The following EIF2A variants were observed in gnomAD, a reference collection of about 807,000 sequenced individuals.
EIF2A encodes eukaryotic translation initiation factor 2A, also known as 65 kDa eukaryotic translation initiation factor 2A.
A neutral mutation model predicts 75.2 loss-of-function variants in EIF2A; 62 were observed. That is an observed-to-expected ratio of 0.82 (90% CI 0.67 to 1.02). EIF2A has a LOEUF of 1.02. Among genes scored for constraint, EIF2A ranks in the 50% least tolerant of loss-of-function variants. EIF2A has a pLI of 0.00. For synonymous variants in EIF2A, 207 were observed against 239.0 expected, an observed-to-expected ratio of 0.87 and a Z score of 1.23; for missense variants, 611 against 677.7, an observed-to-expected ratio of 0.90 and a Z score of 1.09.
intron 2 of EIF2A, 149 bp downstream of exon 2, chr3:150,552,574 T>C: frequency 1.6e-6 from 1 of 612,512 alleles, no homozygotes. Context: ...AAAGAATACA[T>C]ATTCTCTATC....
At chr3:150,548,555 G>A (rs1723159162) in intron 1 of EIF2A, among the ~76,000 whole-genome samples, 1 of 152,162 alleles carries the variant, frequency 6.6e-6, no homozygotes, top group African/African-American at 2.4e-5. Flanking sequence ...CTGGTACTGG[G>A]CAAGCATTAC....
chr3:150,559,498 CT>C lies in EIF2A; in HGVS notation c.173+1056del, dbSNP rs36038911. ...TAGGTGTTAGCCACTATGCCCAGCCCTTTTTTTTTTTTTTTTTTTTGAGACA... is the reference window on the plus strand; with the variant it reads ...TAGGTGTTAGCCACTATGCCCAGCCCTTTTTTTTTTTTTTTTTTTGAGACA... On this transcript the variant is annotated intron_variant, in intron 3 of 13. Coordinates refer to ENST00000460851, the MANE Select transcript of EIF2A (RefSeq NM_032025.5). Among the ~76,000 whole-genome samples, 137 of 110,540 alleles carry C rather than the reference CT, an allele frequency of 1.2e-3. 2 individuals carry two copies. Among genetic ancestry groups the C allele is most frequent in the East Asian group, 3.8e-3 (14 of 3,678 alleles). 72.5% of individuals were successfully genotyped at this position (110,540 alleles called of 152,430 possible).
chr3:150,575,795 A>C, intron 11 of EIF2A, 33 bp downstream of exon 11: 4 of 1,557,802 alleles, frequency 2.6e-6, no homozygotes, highest in Non-Finnish European at 3.5e-6. Context: ...AACAAAACAA[A>C]TAGTCAGTTA....
At chr3:150,582,504 C>T (rs1335432547) in intron 12 of EIF2A, among the ~76,000 whole-genome samples, 1 of 151,876 alleles carries the variant, frequency 6.6e-6, no homozygotes, top group East Asian at 1.9e-4. Flanking sequence ...TTAGTAGAGA[C>T]GGGGTTTCAC....
In EIF2A at chr3:150,567,919, A is replaced by C. The variant is rs769720221; in HGVS notation, c.567A>C (p.Pro189=). Residue 189 remains proline, a synonymous_variant, in exon 8 of 14, where the codon CCA becomes CCC. Coordinates refer to ENST00000460851, the MANE Select transcript of EIF2A (RefSeq NM_032025.5). The part of the protein sequence containing the change: ...PQPYKVAVYV[P]GSKGAPSFVR... ...TATCTTAGGTGGCTGTCTATGTTCC[A>C]GGAAGTAAAGGTGCACCTTCATTTG... 3 of 1,608,174 alleles carry C rather than the reference A, an allele frequency of 1.9e-6. No individual in the cohort carries two copies. Among genetic ancestry groups the C allele is most frequent in the Non-Finnish European group, 2.5e-6 (3 of 1,178,334 alleles).
At chr3:150,581,511 A>G (rs1239407163) in intron 11 of EIF2A, 107 bp from the exon 12 acceptor site, 18 of 1,311,824 alleles carry the variant, frequency 1.4e-5, no homozygotes, top group Non-Finnish European at 1.8e-5. Context: ...AAATGTAGAT[A>G]AAATCACATA....
At chr3:150,564,209 A>AC (rs1266466234) in intron 5 of EIF2A, 90 bp from the exon 6 acceptor site, 26 of 962,220 alleles carry the variant, frequency 2.7e-5, no homozygotes, top group Non-Finnish European at 3.9e-5. Flanking sequence ...TTAAATGGTA[A>AC]CCAATATCAT....
At chr3:150,573,835 G>T (rs1043643423) in intron 10 of EIF2A, among the ~76,000 whole-genome samples, 6 of 152,010 alleles carry the variant, frequency 3.9e-5, no homozygotes, top group African/African-American at 1.2e-4. Flanking sequence ...ACAGAAAAAA[G>T]TTTTTTATAA....
At chr3:150,576,949 G>C (rs183381695) in intron 11 of EIF2A, among the ~76,000 whole-genome samples, 1 of 152,196 alleles carries the variant, frequency 6.6e-6, no homozygotes, top group African/African-American at 2.4e-5. Context: ...GGTTAGTGAA[G>C]TTATGGTGAT....
intron 3 of EIF2A, among the ~76,000 whole-genome samples, 172 bp from the exon 4 acceptor site, chr3:150,562,370 C>A (rs1486223872): frequency 6.6e-6 from 1 of 151,000 alleles, no homozygotes; most frequent in Non-Finnish European, 1.5e-5. Flanking sequence ...TGCAGTGAGC[C>A]GAGATTGCGC....
intron 10 of EIF2A, 101 bp from the exon 11 acceptor site, chr3:150,575,548 G>A: frequency 1.1e-6 from 1 of 881,168 alleles, no homozygotes. Flanking sequence ...TCTTAAATTT[G>A]ATAAAATAAG....
rs997449177 is a variant in EIF2A at position 150,568,167 on chromosome 3, C to G, written c.695-9C>G. On this transcript the variant is annotated splice_polypyrimidine_tract_variant and intron_variant, in intron 8 of 13. Transcript: ENST00000460851. ...GTTTTAAATCTAATTAAAGTTTTTA[C>G]TGTTATAGCTACTGCTGTGTTGGTA... 67 of 1,607,446 alleles carry G rather than the reference C, an allele frequency of 4.2e-5. No homozygotes were observed. Among genetic ancestry groups the G allele is most frequent in the Non-Finnish European group, 5.6e-5 (66 of 1,178,076 alleles).
intron 11 of EIF2A, among the ~76,000 whole-genome samples, chr3:150,577,413 C>T (rs894407420): frequency 9.9e-5 from 15 of 151,988 alleles, no homozygotes; most frequent in Non-Finnish European, 2.1e-4. Context: ...GGCATGATCA[C>T]GGCTCACTGC....
intron 3 of EIF2A, among the ~76,000 whole-genome samples, chr3:150,562,198 G>A (rs1005684304): frequency 6.6e-5 from 10 of 152,128 alleles, no homozygotes; most frequent in East Asian, 5.8e-4. Flanking sequence ...CAAGGCGGGC[G>A]GATCACGAGG....
At chr3:150,562,450 A>C in intron 3 of EIF2A, 92 bp from the exon 4 acceptor site, 1 of 948,158 alleles carries the variant, frequency 1.1e-6, no homozygotes, top group East Asian at 2.9e-5. Context: ...TTTTGGAGTG[A>C]TCTGTATTTG....
At chr3:150,571,641 T>C (rs1469330376) in intron 9 of EIF2A, among the ~76,000 whole-genome samples, 1 of 152,104 alleles carries the variant, frequency 6.6e-6, no homozygotes, top group Non-Finnish European at 1.5e-5. Context: ...AATAAATAAA[T>C]TAGTTTGTAT....
In EIF2A at chr3:150,568,002, G is replaced by GT. The variant is rs1576598259; in HGVS notation, c.653dup (p.Phe219LeufsTer2). On this transcript the variant is annotated frameshift_variant, in exon 8 of 14. Transcript: ENST00000460851. LOFTEE classifies it high-confidence loss of function. ...CCTCATGCAGCTTTAGCTAATAAAA[G>GT]TTTCTTTAAGGCAGATAAAGTTACA... 6 of 1,612,704 alleles carry GT rather than the reference G, an allele frequency of 3.7e-6. No individual in the cohort carries two copies. The highest frequency in any genetic ancestry group is 4.2e-6 in the Non-Finnish European group (5 of 1,179,534).
In EIF2A at chr3:150,572,389, C is replaced by A. The variant is rs767344146; in HGVS notation, c.1243C>A (p.Pro415Thr). 6.2e-7 allele frequency: 1 copy of A among 1,613,824 alleles called. No homozygotes were observed. Among genetic ancestry groups the A allele is most frequent in the African/African-American group, 1.3e-5 (1 of 74,906 alleles). Residue 415 changes from proline to threonine, a missense_variant, in exon 10 of 14, where the codon CCA becomes ACA. By Grantham distance (38) the Pro-to-Thr change is conservative. Coordinates refer to ENST00000460851, the MANE Select transcript of EIF2A (RefSeq NM_032025.5). The stretch of plus-strand genomic sequence containing the variant: ...AGAATTATGGCAGGTTTCTTGGCAG[C>A]CATTTTTGGATGGAATATTTCCAGC... ...NAELWQVSWQ[P>T]FLDGIFPAKT...
At chr3:150,553,322 CAAAA>C (rs201065260) in intron 2 of EIF2A, among the ~76,000 whole-genome samples, 2 of 84,638 alleles carry the variant, frequency 2.4e-5, no homozygotes, top group African/African-American at 4.1e-5. Context: ...GACTCCGTCT[CAAAA>C]AAAAAAAAAA....
Sources: allele counts gnomAD v4.1 joint callset (sites outside exome capture counted in the v4.1 genomes callset), GRCh38; gene constraint gnomAD v4.1.1; transcripts MANE v1.5; gene names NCBI Gene and HGNC (gene_info 2026-07-23, HGNC 2026-07-21).